Variants in RTTN observed in about 807,000 individuals in gnomAD.
The protein encoded by RTTN is rotatin.
In RTTN, 182 loss-of-function variants were observed where a neutral mutation model predicts 269.2. The observed-to-expected ratio is 0.68, with a 90% confidence interval of 0.60 to 0.76. The LOEUF (loss-of-function observed/expected upper bound fraction) is 0.76. Ranked by LOEUF, RTTN falls within the 30% of genes least tolerant of loss-of-function variation. RTTN has a pLI of 0.00. For missense variants in RTTN, 2,545 were observed against 2,608.6 expected (o/e 0.98, Z 0.53); for synonymous variants, 1,006 against 963.5 (o/e 1.04, Z -0.82).
At chr18:70,035,755 C>T (rs2057153236) in intron 40 of RTTN, among the ~76,000 whole-genome samples, 1 of 152,108 alleles carries the variant, frequency 6.6e-6, no homozygotes, top group Non-Finnish European at 1.5e-5. Flanking sequence ...AAGAAACTAT[C>T]AACAGAGTAA....
intron 40 of RTTN, 98 bp downstream of exon 40, chr18:70,047,873 A>T: frequency 3.3e-6 from 3 of 908,474 alleles, no homozygotes; most frequent in Non-Finnish European, 5.0e-6. Context: ...ACTATTTCTT[A>T]ATTTAAATGA....
chr18:70,142,446 T>G, intron 18 of RTTN, 59 bp from the exon 19 acceptor site: 1 of 962,128 alleles, frequency 1.0e-6, no homozygotes. Context: ...AATTCTCCAA[T>G]AAGATTTTAT....
At chr18:70,090,004 T>C (rs901890620) in intron 30 of RTTN, among the ~76,000 whole-genome samples, 1 of 152,098 alleles carries the variant, frequency 6.6e-6, no homozygotes, top group Non-Finnish European at 1.5e-5. Flanking sequence ...ACATGGAGGG[T>C]GTGGCTGAAT....
chr18:70,183,168 T>G (rs910503886), intron 10 of RTTN, among the ~76,000 whole-genome samples: 1 of 152,214 alleles, frequency 6.6e-6, no homozygotes, highest in Non-Finnish European at 1.5e-5. Context: ...AGTCCTACTA[T>G]ACCTGAAAAC....
intron 39 of RTTN, among the ~76,000 whole-genome samples, chr18:70,049,077 G>A (rs1174107936): frequency 1.3e-5 from 2 of 152,170 alleles, no homozygotes; most frequent in African/African-American, 4.8e-5. Context: ...AGATAAATAA[G>A]TTTAAGTCAG....
intron 5 of RTTN, 22 bp downstream of exon 5, chr18:70,199,392 G>T: frequency 6.5e-7 from 1 of 1,533,922 alleles, no homozygotes; most frequent in Non-Finnish European, 9.0e-7. Context: ...AAAAATACCT[G>T]AAAATACATC....
Position 70,059,867 on chromosome 18 carries a change from G to A in RTTN, c.4923C>T (p.Leu1641=). ...DTAKAFRQAH[L]IELLCSIADA... The stretch of plus-strand genomic sequence containing the variant: ...TCTCTTACCTACAGAGAAGTTCTAT[G>A]AGATGAGCTTGTCGAAAAGCCTTTG... The change falls in exon 36 of 49, where the codon CTC becomes CTT. Residue 1641 remains leucine (L), a synonymous_variant. Coordinates refer to ENST00000640769, the MANE Select transcript of RTTN (RefSeq NM_173630.4). 6.2e-7 allele frequency: 1 copy of A among 1,608,262 alleles called. No homozygotes were observed. The highest frequency in any genetic ancestry group is 8.5e-7 in the Non-Finnish European group (1 of 1,176,964).
At chr18:70,202,832 C>A (rs2061985601) in intron 3 of RTTN, among the ~76,000 whole-genome samples, 1 of 152,194 alleles carries the variant, frequency 6.6e-6, no homozygotes, top group Non-Finnish European at 1.5e-5. Context: ...GTGTTTAAAT[C>A]AATGTATTCA....
At chr18:70,064,611 A>T (rs961885145) in intron 35 of RTTN, among the ~76,000 whole-genome samples, 1 of 152,190 alleles carries the variant, frequency 6.6e-6, no homozygotes, top group East Asian at 1.9e-4. Flanking sequence ...GATTCCATTC[A>T]TACAAAATGT....
chr18:70,043,383 G>A (rs890720581), intron 40 of RTTN, among the ~76,000 whole-genome samples: 28 of 152,018 alleles, frequency 1.8e-4, no homozygotes, highest in African/African-American at 6.3e-4. Flanking sequence ...TTGGCATTAT[G>A]GTATATCAAT....
chr18:70,047,933 G>T, intron 40 of RTTN, 38 bp downstream of exon 40: 1 of 1,487,512 alleles, frequency 6.7e-7, no homozygotes, highest in Non-Finnish European at 9.4e-7. Context: ...TTATTTAAAC[G>T]CTAAATAAAG....
chr18:70,202,702 T>A (rs144693529), intron 3 of RTTN, among the ~76,000 whole-genome samples: 1 of 152,254 alleles, frequency 6.6e-6, no homozygotes, highest in African/African-American at 2.4e-5. Context: ...ATCCTGCATC[T>A]GCTACAGGTT....
chr18:70,006,539 C>A (rs2056193450), intron 46 of RTTN, 55 bp from the exon 47 acceptor site: 11 of 1,335,682 alleles, frequency 8.2e-6, no homozygotes, highest in Admixed American at 3.4e-5. Context: ...GCATTGTATT[C>A]TTATCTTGGA....
intron 45 of RTTN, among the ~76,000 whole-genome samples, chr18:70,020,373 T>C (rs2056666688): frequency 6.6e-6 from 1 of 152,130 alleles, no homozygotes; most frequent in Non-Finnish European, 1.5e-5. Context: ...TAAAATACAA[T>C]CCGAAAGCTA....
At chr18:70,074,064 G>T in intron 33 of RTTN, 70 bp from the exon 34 acceptor site, 3 of 1,082,742 alleles carry the variant, frequency 2.8e-6, no homozygotes, top group African/African-American at 1.6e-5. Flanking sequence ...AAAAGGGTAC[G>T]CATTACAGGA....
intron 11 of RTTN, among the ~76,000 whole-genome samples, chr18:70,170,996 G>A (rs1039041986): frequency 6.6e-6 from 1 of 152,056 alleles, no homozygotes; most frequent in African/African-American, 2.4e-5. Context: ...ACTATAGGAA[G>A]AACATATTTG....
chr18:70,043,882 A>C (rs2057414929), intron 40 of RTTN, among the ~76,000 whole-genome samples: 1 of 152,236 alleles, frequency 6.6e-6, no homozygotes, highest in Admixed American at 6.5e-5. Flanking sequence ...GCAAAGAGCA[A>C]GTGGACACGA....
intron 47 of RTTN, chr18:70,006,170 A>T (rs1210556720): frequency 2.2e-6 from 1 of 451,892 alleles, no homozygotes; most frequent in East Asian, 3.4e-5. Flanking sequence ...TTCTCTTCTA[A>T]ACTGAGACAT....
At position 70,092,237 on chromosome 18, in the gene RTTN, G is replaced by C. The variant is rs200105809; in HGVS notation, c.4033-17C>G. 33 of 1,460,726 alleles carry C rather than the reference G, an allele frequency of 2.3e-5. 1 individual carries two copies. The highest frequency in any genetic ancestry group is 3.5e-4 in the Middle Eastern group (2 of 5,778). The allele number at this position is 1,460,726 out of a possible 1,614,324, so 90.5% of individuals were successfully genotyped here. A position where few individuals can be genotyped will look rare whatever the true frequency, so the allele number is the denominator to read the frequency against. Reference sequence around the variant, plus strand: ...CATCCACTCCTAGAGGGAAAAAAGGGAAACAGAAATATTTGAGGTAAGTTT... The same window carrying C: ...CATCCACTCCTAGAGGGAAAAAAGGCAAACAGAAATATTTGAGGTAAGTTT... On this transcript the variant is annotated splice_polypyrimidine_tract_variant and intron_variant, in intron 29 of 48. Transcript: ENST00000640769.
Sources: gnomAD v4.1 joint callset for allele counts (sites outside exome capture counted in the v4.1 genomes callset) on GRCh38, gnomAD v4.1.1 for gene constraint, MANE v1.5 for transcripts, NCBI Gene and HGNC (gene_info 2026-07-23, HGNC 2026-07-21) for gene names.